The following NECAB2 variants were observed in gnomAD, a reference collection of about 807,000 sequenced individuals.
NECAB2 encodes N-terminal EF-hand calcium-binding protein 2.
NECAB2 carries 68 observed loss-of-function variants against 51.9 expected under a neutral mutation model. The observed-to-expected ratio is 1.31, with a 90% confidence interval of 1.08 to 1.60. The LOEUF (loss-of-function observed/expected upper bound fraction) is 1.60, where lower values mean the gene tolerates loss of function less well. Among genes scored for constraint, NECAB2 ranks in the 40% most tolerant of loss-of-function variants. The probability of loss-of-function intolerance (pLI) is 0.00; values close to 1 mark genes in which losing one functional copy is unlikely to be tolerated. For synonymous variants in NECAB2, 329 were observed against 203.5 expected (o/e 1.62, Z -5.25); for missense variants, 854 against 490.3 (o/e 1.74, Z -7.00).
intron 1 of NECAB2, among the ~76,000 whole-genome samples, chr16:83,969,184 A>T (rs1362413266): frequency 8.3e-6 from 1 of 121,094 alleles, no homozygotes; most frequent in Non-Finnish European, 1.8e-5. Context: ...CCCACCCTTT[A>T]CCCCGCGGGA....
rs28532617 is a variant in NECAB2, at chr16:83,998,801, T to C, written c.962+484T>C. Among the ~76,000 whole-genome samples the C allele has an allele frequency of 5.2e-3, 791 of 151,820 alleles. 5 individuals are homozygous for C. Among genetic ancestry groups the C allele is most frequent in the African/African-American group, 0.018 (726 of 41,196 alleles). ...AATGCCCAAGTCATGTAGTTGCCCT[T>C]CTCCCCCTGATGTGCTGAGATGTCC... On this transcript the variant is annotated intron_variant, in intron 10 of 12. Coordinates refer to ENST00000305202, the MANE Select transcript of NECAB2 (RefSeq NM_019065.3).
chr16:84,002,321 C>A lies in NECAB2; in HGVS notation c.1136C>A (p.Ala379Asp). Residue 379 changes from alanine to aspartate, a missense_variant, in exon 13 of 13, where the codon GCT (alanine) becomes GAT (aspartate). Ala to Asp is a moderately radical substitution (Grantham distance 126, BLOSUM62 -2). Coordinates refer to ENST00000305202, the MANE Select transcript of NECAB2 (RefSeq NM_019065.3). The stretch of plus-strand genomic sequence containing the variant: ...TAACGTGTCTCTCTCCTTTTAGCTG[C>A]TTGGTGCACGGTGGGACGGGACTGA... ...EALSRILVPA[A>D]WCTVGRD is the part of the protein sequence containing the mutation. 2 of 1,613,974 alleles carry A rather than the reference C, an allele frequency of 1.2e-6. No homozygotes were observed. The highest frequency in any genetic ancestry group is 1.7e-6 in the Non-Finnish European group (2 of 1,179,900).
chr16:83,998,445 T>C, intron 10 of NECAB2, 128 bp downstream of exon 10: 1 of 859,326 alleles, frequency 1.2e-6, no homozygotes, highest in Admixed American at 2.5e-5. Flanking sequence ...CACAGCTGGA[T>C]GCGTAAGAAG....
chr16:83,972,130 C>T (rs1205061185), intron 1 of NECAB2, 21 bp from the exon 2 acceptor site: 4 of 1,613,094 alleles, frequency 2.5e-6, no homozygotes, highest in Non-Finnish European at 2.5e-6. Context: ...CCAGGGCTGA[C>T]TCCGCCTCTC....
rs750750987 is a variant in NECAB2 at position 84,000,796 on chromosome 16, G to A, written c.1035G>A (p.Trp345Ter). 12 of 1,613,488 alleles carry A rather than the reference G, an allele frequency of 7.4e-6. No individual in the cohort carries two copies. Among genetic ancestry groups the A allele is most frequent in the African/African-American group, 6.7e-5 (5 of 74,912 alleles). The change falls in exon 11 of 13, where the codon TGG becomes TGA. Residue 345 changes from tryptophan (W) to a stop codon, truncating the protein, a stop_gained. Transcript: ENST00000305202. LOFTEE classifies it high-confidence loss of function. ...AGTTCTGGGAGACAGAGGAGGCGTG[G>A]AAGAGGTGAGATGCTGGGTCCCCAC... ...IYEFWETEEA[W>*]KRHLQSPLCK...
intron 2 of NECAB2, among the ~76,000 whole-genome samples, chr16:83,973,581 G>C (rs1482152084): frequency 6.6e-6 from 1 of 152,154 alleles, no homozygotes; most frequent in African/African-American, 2.4e-5. Flanking sequence ...GAAAAGCCTT[G>C]GAGATGAGGA....
At chr16:83,970,712 C>G (rs573063074) in intron 1 of NECAB2, among the ~76,000 whole-genome samples, 6 of 152,276 alleles carry the variant, frequency 3.9e-5, no homozygotes, top group African/African-American at 7.2e-5. Context: ...GCTGCCTCTC[C>G]CTGGGTCTCA....
chr16:83,974,688 G>T (rs1233152754), intron 2 of NECAB2, among the ~76,000 whole-genome samples: 1 of 152,218 alleles, frequency 6.6e-6, no homozygotes, highest in Non-Finnish European at 1.5e-5. Context: ...GGGGGCAGCG[G>T]TGCAGGCAGG....
At chr16:83,966,222 C>G, upstream of NECAB2, 1 of 559,218 alleles carries the variant, frequency 1.8e-6, no homozygotes, top group South Asian at 2.6e-5. Context: ...TGGCCTAGAC[C>G]TGGGATTTGT....
At chr16:83,965,473 G>T (rs143431711), upstream of NECAB2, 5 of 1,605,922 alleles carry the variant, frequency 3.1e-6, no homozygotes, top group South Asian at 1.1e-5. Flanking sequence ...CGGCCGACGC[G>T]GTCCTCTACG....
chr16:83,987,232 C>G (rs1279057612), intron 5 of NECAB2, among the ~76,000 whole-genome samples: 1 of 152,170 alleles, frequency 6.6e-6, no homozygotes, highest in Non-Finnish European at 1.5e-5. Context: ...ATTTCAGAGA[C>G]TTTGACTATT....
chr16:83,981,622 A>C (rs1490484495), intron 5 of NECAB2, among the ~76,000 whole-genome samples: 1 of 152,132 alleles, frequency 6.6e-6, no homozygotes, highest in African/African-American at 2.4e-5. Flanking sequence ...ACAGAGGCTC[A>C]CAAAGGTGAA....
intron 2 of NECAB2, among the ~76,000 whole-genome samples, 158 bp downstream of exon 2, chr16:83,972,333 C>A (rs1046722795): frequency 6.6e-6 from 1 of 152,196 alleles, no homozygotes; most frequent in Non-Finnish European, 1.5e-5. Context: ...CTGCTCTGTG[C>A]CTTGACCTCC....
chr16:83,989,205 G>T (rs2084591176), intron 5 of NECAB2, among the ~76,000 whole-genome samples: 1 of 152,182 alleles, frequency 6.6e-6, no homozygotes, highest in Non-Finnish European at 1.5e-5. Flanking sequence ...TGGATCATGT[G>T]TGGTTTTGGT....
At chr16:83,994,549 C>A in intron 7 of NECAB2, 60 bp from the exon 8 acceptor site, 1 of 1,604,884 alleles carries the variant, frequency 6.2e-7, no homozygotes, top group Non-Finnish European at 8.5e-7. Context: ...TTTCCAGCTT[C>A]CCCCCGAAGC....
chr16:83,970,192 G>A (rs1403834863), intron 1 of NECAB2, among the ~76,000 whole-genome samples: 4 of 152,096 alleles, frequency 2.6e-5, no homozygotes, highest in Non-Finnish European at 5.9e-5. Flanking sequence ...CTGCCAAAAG[G>A]AGTGATGAGC....
chr16:83,976,700 A>ATAT (rs2084415135), intron 2 of NECAB2, among the ~76,000 whole-genome samples: 1 of 151,954 alleles, frequency 6.6e-6, no homozygotes, highest in South Asian at 2.1e-4. Context: ...CTGAGCTGCG[A>ATAT]TGGGGGCATC....
intron 6 of NECAB2, among the ~76,000 whole-genome samples, chr16:83,993,925 G>A (rs897815609): frequency 1.3e-5 from 2 of 152,162 alleles, no homozygotes; most frequent in East Asian, 3.9e-4. Context: ...CTATCATGAG[G>A]GAGGGAGGGG....
At position 83,973,764 on chromosome 16, in the gene NECAB2, G is replaced by A. The variant is rs542281380; in HGVS notation, c.226+1589G>A. ...TCCTCGGTAAATGTCTGTAGACTTG[G>A]TGGACGTGTTTGTTGGTGAGAGCGT... On this transcript the variant is annotated intron_variant, in intron 2 of 12. Coordinates refer to ENST00000305202, the MANE Select transcript of NECAB2 (RefSeq NM_019065.3). Among the ~76,000 whole-genome samples, 49 of 152,174 alleles carry A rather than the reference G, an allele frequency of 3.2e-4. No individual in the cohort carries two copies. In the Middle Eastern group the frequency reaches 0.01, roughly 32 times the overall value.
Sources: allele counts gnomAD v4.1 joint callset (sites outside exome capture counted in the v4.1 genomes callset), GRCh38; gene constraint gnomAD v4.1.1; transcripts MANE v1.5; gene names NCBI Gene and HGNC (gene_info 2026-07-23, HGNC 2026-07-21).